CDC25A: variants seen among roughly 807,000 people sequenced by gnomAD.
CDC25A encodes cell division cycle 25A, also known as M-phase inducer phosphatase 1.
A neutral mutation model predicts 64.6 loss-of-function variants in CDC25A; 17 were observed. The observed-to-expected ratio is 0.26, with a 90% CI of 0.18 to 0.39. The LOEUF (loss-of-function observed/expected upper bound fraction) is 0.39. CDC25A is among the 10% of genes least tolerant of loss of function. The pLI is 1.00. For missense variants in CDC25A, 473 were observed against 654.8 expected, an observed-to-expected ratio of 0.72 and a Z score of 3.03; for synonymous variants, 229 against 238.6, an observed-to-expected ratio of 0.96 and a Z score of 0.37.
intron 9 of CDC25A, among the ~76,000 whole-genome samples, chr3:48,171,235 C>T (rs955635667): frequency 1.3e-5 from 2 of 151,580 alleles, no homozygotes; most frequent in Admixed American, 1.3e-4. Context: ...ATTAGCCAGG[C>T]GTGGCAGTGG....
At chr3:48,182,800 C>A (rs1385040492) in intron 5 of CDC25A, 129 bp downstream of exon 5, 22 of 630,612 alleles carry the variant, frequency 3.5e-5, no homozygotes. Context: ...ACCCAGAATT[C>A]TCTGACTCCA....
In CDC25A at chr3:48,157,228, G is replaced by T. The variant is rs2031541874; in HGVS notation, c.*1717C>A. ...GAGCTTCCAACAGTTGGTTAGTAAT[G>T]CTAGCTAAGCTGGTATAATCTGAAG... On this transcript the variant is annotated 3_prime_UTR_variant, in exon 15 of 15. Transcript: ENST00000302506. 1 of 152,210 alleles carries T rather than the reference G, an allele frequency of 6.6e-6. No homozygotes were observed. Among genetic ancestry groups the T allele is most frequent in the Non-Finnish European group, 1.5e-5 (1 of 68,048 alleles). 9.4% of individuals were successfully genotyped at this position (152,210 alleles called of 1,614,324 possible). A position where few individuals can be genotyped will look rare whatever the true frequency, so the allele number is the denominator to read the frequency against.
intron 10 of CDC25A, among the ~76,000 whole-genome samples, chr3:48,166,943 A>G (rs897098735): frequency 3.9e-5 from 6 of 152,078 alleles, no homozygotes; most frequent in Non-Finnish European, 5.9e-5. Flanking sequence ...AGGTTCCAAA[A>G]CTGAGGATAC....
intron 6 of CDC25A, among the ~76,000 whole-genome samples, chr3:48,178,598 CT>C (rs1370102418): frequency 6.6e-6 from 1 of 152,130 alleles, no homozygotes; most frequent in Non-Finnish European, 1.5e-5. Flanking sequence ...GTAGCTAATC[CT>C]TTCCTTTTTC....
In CDC25A at chr3:48,180,789, G is replaced by A. The variant is rs2032638645; in HGVS notation, c.481C>T (p.His161Tyr). Reference protein sequence around the residue: ...PVRPVSRGCLHSHGLQEGKDL... With the variant: ...PVRPVSRGCLYSHGLQEGKDL... ...TTACCCTCCTGGAGTCCATGAGAGT[G>A]CAGGCAGCCACGAGATACAGGTCTT... The change falls in exon 6 of 15, where the codon CAC (histidine) becomes TAC (tyrosine). Residue 161 changes from histidine (H) to tyrosine (Y), a missense_variant. By Grantham distance (83) the His-to-Tyr change is moderately conservative. Around this residue, in one of 2 missense-constraint regions of CDC25A, gnomAD observed 376 missense variants for 431.9 expected, o/e 0.87. Coordinates refer to ENST00000302506, the MANE Select transcript of CDC25A (RefSeq NM_001789.3). The A allele has an allele frequency of 6.2e-7, 1 of 1,613,696 alleles. No homozygotes were observed. The highest frequency in any genetic ancestry group is 2.2e-5 in the East Asian group (1 of 44,878).
chr3:48,182,173 T>A (rs901810342), intron 5 of CDC25A, among the ~76,000 whole-genome samples: 1 of 152,214 alleles, frequency 6.6e-6, no homozygotes, highest in Non-Finnish European at 1.5e-5. Context: ...TTCTTTCTCA[T>A]GACACTTCCC....
intron 10 of CDC25A, among the ~76,000 whole-genome samples, chr3:48,166,242 C>A (rs1178061537): frequency 2.0e-5 from 3 of 152,142 alleles, no homozygotes; most frequent in Non-Finnish European, 2.9e-5. Flanking sequence ...GAGATTGCAC[C>A]ACTGCACTCC....
At chr3:48,165,303 A>G (rs1323821029) in intron 12 of CDC25A, among the ~76,000 whole-genome samples, 4 of 152,078 alleles carry the variant, frequency 2.6e-5, no homozygotes, top group African/African-American at 4.8e-5. Context: ...GTGCTCAGAC[A>G]TTGGTACCCA....
intron 8 of CDC25A, among the ~76,000 whole-genome samples, chr3:48,175,419 G>A (rs902023783): frequency 4.6e-5 from 7 of 152,158 alleles, no homozygotes; most frequent in Non-Finnish European, 1.0e-4. Context: ...CATGTGTCTT[G>A]GCCTGGCTTT....
intron 9 of CDC25A, among the ~76,000 whole-genome samples, chr3:48,168,360 C>CCA (rs58104019): frequency 0.17 from 18,342 of 106,396 alleles, 1,632 homozygotes; most frequent in African/African-American, 0.19. Context: ...AAGACCCTGT[C>CCA]CACACACACA....
chr3:48,175,077 T>C (rs1266179380), intron 8 of CDC25A, among the ~76,000 whole-genome samples: 2 of 152,086 alleles, frequency 1.3e-5, no homozygotes, highest in African/African-American at 4.8e-5. Context: ...GTGGGATCAC[T>C]TGAGGTCACA....
chr3:48,176,083 A>C (rs568877827), intron 8 of CDC25A, among the ~76,000 whole-genome samples: 1 of 152,306 alleles, frequency 6.6e-6, no homozygotes, highest in South Asian at 2.1e-4. Flanking sequence ...CAGAAGAAGC[A>C]CTTGAACCCA....
Position 48,188,100 on chromosome 3 carries a change from G to A in CDC25A, c.-153C>T. ...CGCGGTTCAGGGACGCGGCTGCCGC[G>A]GGCAAGCGGCGCGGCCGGGCGGGTG... On this transcript the variant is annotated 5_prime_UTR_variant, in exon 1 of 15. Coordinates refer to ENST00000302506, the MANE Select transcript of CDC25A (RefSeq NM_001789.3). 1.7e-6 allele frequency: 1 copy of A among 575,506 alleles called. No individual in the cohort carries two copies. Among genetic ancestry groups the A allele is most frequent in the Non-Finnish European group, 2.5e-6 (1 of 397,246 alleles). The allele number at this position is 575,506 out of a possible 1,614,324, so 35.6% of individuals were successfully genotyped here. A position where few individuals can be genotyped will look rare whatever the true frequency, so the allele number is the denominator to read the frequency against.
chr3:48,183,224 C>A (rs11916498), intron 4 of CDC25A, among the ~76,000 whole-genome samples, 194 bp from the exon 5 acceptor site: 3,160 of 152,264 alleles, frequency 0.021, 100 homozygotes, highest in African/African-American at 0.069. Context: ...TAGAAGTTTC[C>A]ATTCCATGGG....
chr3:48,168,181 T>TAAA (rs33925813), intron 9 of CDC25A, among the ~76,000 whole-genome samples: 33 of 124,148 alleles, frequency 2.7e-4, no homozygotes, highest in East Asian at 7.0e-4. Flanking sequence ...CTTCCTTCCT[T>TAAA]AAAAAAAAAA....
At position 48,158,746 on chromosome 3, in the gene CDC25A, A is replaced by C. The variant is rs1040401085; in HGVS notation, c.*199T>G. The C allele has an allele frequency of 1.8e-5, 11 of 614,160 alleles. No individual in the cohort carries two copies. The highest frequency in any genetic ancestry group is 2.9e-5 in the Non-Finnish European group (10 of 348,418). 38.0% of individuals were successfully genotyped at this position (614,160 alleles called of 1,614,324 possible). A position where few individuals can be genotyped will look rare whatever the true frequency, so the allele number is the denominator to read the frequency against. On this transcript the variant is annotated 3_prime_UTR_variant, in exon 15 of 15. Transcript: ENST00000302506. ...CTGATATGGACGGAGGACGTCTAAC[A>C]GGGACAGAAGAGGCGTAGCCAGCAA... is the stretch of plus-strand genomic sequence containing the variant.
chr3:48,168,389 C>T (rs2032129275), intron 9 of CDC25A, among the ~76,000 whole-genome samples: 1 of 149,612 alleles, frequency 6.7e-6, no homozygotes, highest in Admixed American at 6.7e-5. Flanking sequence ...CACACACACA[C>T]ACACACACAC....
intron 10 of CDC25A, among the ~76,000 whole-genome samples, chr3:48,166,965 T>C (rs1026844382): frequency 6.6e-6 from 1 of 152,224 alleles, no homozygotes; most frequent in Non-Finnish European, 1.5e-5. Context: ...GCTGGATCTT[T>C]GCTTGTTCTC....
intron 8 of CDC25A, among the ~76,000 whole-genome samples, chr3:48,176,804 C>T (rs900275493): frequency 6.6e-5 from 10 of 151,338 alleles, no homozygotes; most frequent in Non-Finnish European, 5.9e-5. Flanking sequence ...AACCCCGTCT[C>T]TACTGAAAAT....
Sources: allele counts gnomAD v4.1 joint callset (sites outside exome capture counted in the v4.1 genomes callset), GRCh38; gene constraint gnomAD v4.1.1; regional missense constraint gnomAD v4.1.1; transcripts MANE v1.5; gene names NCBI Gene and HGNC (gene_info 2026-07-23, HGNC 2026-07-21).